Variants in GPC6 observed in about 807,000 individuals in gnomAD.
GPC6 encodes glypican 6.
A neutral mutation model predicts 55.2 loss-of-function variants in GPC6; 14 were observed. The ratio of observed to expected loss-of-function variants is 0.25; its 90% CI spans 0.17 to 0.40. The LOEUF (loss-of-function observed/expected upper bound fraction) is 0.40. Among genes scored for constraint, GPC6 ranks in the 10% least tolerant of loss-of-function variants. The pLI is 1.00. For synonymous variants in GPC6, 278 were observed against 259.6 expected, an observed-to-expected ratio of 1.07 and a Z score of -0.68; for missense variants, 641 against 708.5, an observed-to-expected ratio of 0.90 and a Z score of 1.08.
rs147411347 is a variant in GPC6, at chr13:94,072,785, T to C, written c.877+44891T>C. ...ACAAGACAAACGAGTCAAATAGCAA[T>C]GACAGGGCAAAGTGGCATGTGCTTA... is the stretch of plus-strand genomic sequence containing the variant. On this transcript the variant is annotated intron_variant, in intron 4 of 8. Coordinates refer to ENST00000377047, the MANE Select transcript of GPC6 (RefSeq NM_005708.5). Among the ~76,000 whole-genome samples the C allele has an allele frequency of 8.5e-5, 13 of 152,340 alleles. No homozygotes were observed. The East Asian group carries it at 1.4e-3, about 16-fold the overall frequency.
In GPC6 at chr13:93,754,062, G is replaced by C. The variant is rs573017066; in HGVS notation, c.320-76092G>C. Among the ~76,000 whole-genome samples, 308 of 152,296 alleles carry C rather than the reference G, an allele frequency of 2.0e-3. 1 individual carries two copies. Among genetic ancestry groups the C allele is most frequent in the Admixed American group, 6.0e-3 (91 of 15,286 alleles). Reference sequence around the variant, plus strand: ...GGGGTAGCAGGCGGCTTGGCAACCAGGGCTTCCTTGGAAGCCAGCATGCTC... The same window carrying C: ...GGGGTAGCAGGCGGCTTGGCAACCACGGCTTCCTTGGAAGCCAGCATGCTC... On this transcript the variant is annotated intron_variant, in intron 2 of 8. Coordinates refer to ENST00000377047, the MANE Select transcript of GPC6 (RefSeq NM_005708.5).
intron 3 of GPC6, among the ~76,000 whole-genome samples, chr13:94,005,856 G>A (rs1298381319): frequency 6.6e-6 from 1 of 151,932 alleles, no homozygotes; most frequent in Non-Finnish European, 1.5e-5. Context: ...TTTTCTGAGG[G>A]CATGATTTAT....
At chr13:94,092,559 C>T (rs1468493240) in intron 4 of GPC6, among the ~76,000 whole-genome samples, 1 of 151,970 alleles carries the variant, frequency 6.6e-6, no homozygotes, top group East Asian at 1.9e-4. Flanking sequence ...TTGATTCCGT[C>T]TCTTGGGTAT....
At chr13:93,813,644 C>T (rs1327875377) in intron 2 of GPC6, among the ~76,000 whole-genome samples, 1 of 151,502 alleles carries the variant, frequency 6.6e-6, no homozygotes, top group Non-Finnish European at 1.5e-5. Context: ...ATGGGATGAC[C>T]ATGATATTTA....
chr13:93,687,331 G>GGT (rs1348515910), intron 2 of GPC6, among the ~76,000 whole-genome samples: 7 of 152,204 alleles, frequency 4.6e-5, no homozygotes, highest in African/African-American at 1.4e-4. Flanking sequence ...TGGTGCAAAA[G>GGT]TAATTGCAGT....
intron 2 of GPC6, among the ~76,000 whole-genome samples, chr13:93,720,186 A>G (rs915221094): frequency 6.6e-6 from 1 of 152,028 alleles, no homozygotes; most frequent in Non-Finnish European, 1.5e-5. Context: ...CTTTTGATAG[A>G]ATTTGGCTGT....
rs138658659 is a variant in GPC6 at position 93,947,112 on chromosome 13, C to T, written c.712-80617C>T. On this transcript the variant is annotated intron_variant, in intron 3 of 8. Coordinates refer to ENST00000377047, the MANE Select transcript of GPC6 (RefSeq NM_005708.5). ...AGTGATTCTTATAATTTTTGGCCTT[C>T]GAGAGGTATGCTTTGATTGCAAAAA... Among the ~76,000 whole-genome samples the T allele has an allele frequency of 4.7e-4, 72 of 152,172 alleles. No individual in the cohort carries two copies. In the East Asian group the frequency reaches 9.3e-3, roughly 20 times the overall value.
At chr13:93,705,627 A>G (rs1205157023) in intron 2 of GPC6, among the ~76,000 whole-genome samples, 1 of 151,766 alleles carries the variant, frequency 6.6e-6, no homozygotes, top group Non-Finnish European at 1.5e-5. Flanking sequence ...GATGGAATTA[A>G]GTAGTGTTTC....
intron 1 of GPC6, among the ~76,000 whole-genome samples, chr13:93,230,613 A>G (rs924524250): frequency 1.3e-5 from 2 of 152,148 alleles, no homozygotes; most frequent in Middle Eastern, 3.2e-3. Context: ...AAGCCTTCAC[A>G]ATATGCTTGC....
chr13:93,777,338 TA>T (rs1194873510), intron 2 of GPC6, among the ~76,000 whole-genome samples: 1 of 152,214 alleles, frequency 6.6e-6, no homozygotes, highest in Non-Finnish European at 1.5e-5. Context: ...CTAGCAACAT[TA>T]ACTAAACCCA....
intron 4 of GPC6, among the ~76,000 whole-genome samples, chr13:94,178,422 A>T (rs1317050498): frequency 1.3e-5 from 2 of 152,238 alleles, no homozygotes; most frequent in Non-Finnish European, 2.9e-5. Flanking sequence ...GCAAACCATA[A>T]AAAATGATTA....
At chr13:94,331,704 T>C (rs1459210220) in intron 6 of GPC6, among the ~76,000 whole-genome samples, 1 of 152,164 alleles carries the variant, frequency 6.6e-6, no homozygotes. Flanking sequence ...AGGATCCTAG[T>C]ATGAAAATTC....
intron 3 of GPC6, among the ~76,000 whole-genome samples, chr13:93,882,146 T>G (rs994509846): frequency 6.6e-6 from 1 of 151,826 alleles, no homozygotes; most frequent in African/African-American, 2.4e-5. Flanking sequence ...GTTTTTGTTT[T>G]ATTTTTGTTT....
chr13:93,705,189 T>C (rs1882808187), intron 2 of GPC6, among the ~76,000 whole-genome samples: 1 of 151,928 alleles, frequency 6.6e-6, no homozygotes, highest in Non-Finnish European at 1.5e-5. Context: ...GTGTATTCTA[T>C]ATCATGTTGT....
At chr13:93,629,788 C>G (rs57698219) in intron 2 of GPC6, among the ~76,000 whole-genome samples, 4,499 of 152,144 alleles carry the variant, frequency 0.03, 232 homozygotes, top group African/African-American at 0.1. Flanking sequence ...AACAATAAAC[C>G]ACAAATTCAC....
At chr13:93,424,929 G>C (rs1045757898) in intron 1 of GPC6, among the ~76,000 whole-genome samples, 2 of 152,016 alleles carry the variant, frequency 1.3e-5, no homozygotes, top group Non-Finnish European at 2.9e-5. Flanking sequence ...TGGATGTTTG[G>C]TTATGGGACA....
intron 2 of GPC6, among the ~76,000 whole-genome samples, chr13:93,771,592 C>T (rs1885297115): frequency 6.6e-6 from 1 of 152,012 alleles, no homozygotes; most frequent in Non-Finnish European, 1.5e-5. Context: ...CCTCATTTGC[C>T]ATTTTAAAAT....
At chr13:93,555,048 A>G (rs1312434972) in intron 2 of GPC6, among the ~76,000 whole-genome samples, 1 of 152,234 alleles carries the variant, frequency 6.6e-6, no homozygotes, top group Non-Finnish European at 1.5e-5. Flanking sequence ...ATAGCAGGAA[A>G]TCGGGGCTCC....
chr13:94,068,731 G>T (rs906969529), intron 4 of GPC6, among the ~76,000 whole-genome samples: 11 of 152,172 alleles, frequency 7.2e-5, no homozygotes, highest in Non-Finnish European at 1.2e-4. Context: ...ATCCAGCAGA[G>T]AAGTCAAATC....
Sources: gnomAD v4.1 joint callset for allele counts (sites outside exome capture counted in the v4.1 genomes callset) on GRCh38, gnomAD v4.1.1 for gene constraint, MANE v1.5 for transcripts, NCBI Gene and HGNC (gene_info 2026-07-23, HGNC 2026-07-21) for gene names.